TMIGD3: variants seen among roughly 807,000 people sequenced by gnomAD.
TMIGD3 encodes transmembrane and immunoglobulin domain containing 3, also known as AD026 protein (AD026).
A neutral mutation model predicts 28.1 loss-of-function variants in TMIGD3; 21 were observed. That is an observed-to-expected ratio of 0.75 (90% CI 0.53 to 1.08). The LOEUF is 1.08. Among genes scored for constraint, TMIGD3 ranks in the 50% least tolerant of loss-of-function variants. TMIGD3 has a pLI of 0.00. For missense variants in TMIGD3, 416 were observed against 435.6 expected (o/e 0.96, Z 0.40); for synonymous variants, 151 against 162.1 (o/e 0.93, Z 0.52).
chr1:111,537,848 G>A (rs115332796), intron 1 of TMIGD3, among the ~76,000 whole-genome samples: 27 of 152,172 alleles, frequency 1.8e-4, no homozygotes, highest in African/African-American at 6.3e-4. Flanking sequence ...GAAACATATG[G>A]GGGCTATGAT....
At chr1:111,497,172 A>ACGATCT (rs1654928190) in intron 1 of TMIGD3, among the ~76,000 whole-genome samples, 1 of 152,082 alleles carries the variant, frequency 6.6e-6, no homozygotes, top group Non-Finnish European at 1.5e-5. Context: ...GTGCAGTGGC[A>ACGATCT]CGATCTCGGC....
chr1:111,488,842 T>A lies in TMIGD3; in HGVS notation c.640A>T (p.Thr214Ser), dbSNP rs749118757. The change falls in exon 3 of 6, where the codon ACA becomes TCA. Residue 214 changes from threonine (T) to serine (S), a missense_variant. Thr to Ser is a moderately conservative substitution (Grantham distance 58, BLOSUM62 1). Coordinates refer to ENST00000369716, the MANE Select transcript of TMIGD3 (RefSeq NM_020683.7). ...ATAGTGACAATGAGCTGGTTCCCTG[T>A]GTCCCTCAGGGCCACATGATTGGTG... is the stretch of plus-strand genomic sequence containing the variant. ...NSTNHVALRD[T>S]GNQLIVTMSC... is the part of the protein sequence containing the mutation. The A allele has an allele frequency of 2.0e-5, 33 of 1,614,212 alleles. No individual in the cohort carries two copies. In the South Asian group the frequency reaches 3.0e-4, roughly 15 times the overall value.
At chr1:111,503,936 T>C (rs1655383775), upstream of TMIGD3, 1 of 985,250 alleles carries the variant, frequency 1.0e-6, no homozygotes, top group South Asian at 4.7e-5. Context: ...AAGCACTGAC[T>C]ATGCAATCTT....
At position 111,513,716 on chromosome 1, in the gene TMIGD3, C is replaced by A. The variant is rs577351803; in HGVS notation, c.108-22954G>T. Among the ~76,000 whole-genome samples, 94 of 152,316 alleles carry A rather than the reference C, an allele frequency of 6.2e-4. 1 individual carries two copies. The highest frequency in any genetic ancestry group is 2.0e-3 in the African/African-American group (84 of 41,552). On this transcript the variant is annotated intron_variant, in intron 1 of 5. Coordinates refer to the TMIGD3 transcript ENST00000369717. ...CTCTAGGTCACTGCAGATGGTCCAT[C>A]CTATGCCCCCTCCCTCCCTCTACCC...
At chr1:111,559,278 T>C (rs1388070199) in intron 1 of TMIGD3, among the ~76,000 whole-genome samples, 1 of 152,124 alleles carries the variant, frequency 6.6e-6, no homozygotes, top group African/African-American at 2.4e-5. Flanking sequence ...AAATTAGGAC[T>C]AAAGCAATTA....
upstream of TMIGD3, chr1:111,504,869 G>T: frequency 1.0e-6 from 1 of 985,062 alleles, no homozygotes; most frequent in Non-Finnish European, 1.2e-6. Context: ...TCCCATACTT[G>T]TCCCCGCCAG....
chr1:111,498,876 C>T (rs1282750217), intron 1 of TMIGD3, among the ~76,000 whole-genome samples: 9 of 152,120 alleles, frequency 5.9e-5, no homozygotes, highest in Admixed American at 5.9e-4. Flanking sequence ...CACTTGAGCC[C>T]AGGAGTTCAA....
intron 1 of TMIGD3, among the ~76,000 whole-genome samples, chr1:111,539,045 G>T (rs893289005): frequency 6.6e-6 from 1 of 152,148 alleles, no homozygotes; most frequent in Non-Finnish European, 1.5e-5. Context: ...TTAGCAAGAG[G>T]TCCTTGCCTT....
chr1:111,507,496 C>G (rs965837347), upstream of TMIGD3, among the ~76,000 whole-genome samples: 1 of 152,176 alleles, frequency 6.6e-6, no homozygotes, highest in Non-Finnish European at 1.5e-5. Flanking sequence ...ATCTGAGAGG[C>G]TGGCAGCAGA....
At chr1:111,486,808 T>G (rs1045113643) in intron 3 of TMIGD3, among the ~76,000 whole-genome samples, 156 bp from the exon 4 acceptor site, 3 of 152,212 alleles carry the variant, frequency 2.0e-5, no homozygotes, top group Admixed American at 2.0e-4. Context: ...GTTGTATAAA[T>G]GTGCCCTGCA....
chr1:111,504,042 C>T, upstream of TMIGD3: 1 of 985,432 alleles, frequency 1.0e-6, no homozygotes, highest in Non-Finnish European at 1.2e-6. Context: ...CTAACCTTAG[C>T]CAGAACTATT....
Position 111,536,606 on chromosome 1 carries a change from AC to A in TMIGD3, c.107+27239del, listed in dbSNP as rs148402888. 5.2e-3 allele frequency among the ~76,000 whole-genome samples: 791 copies of A among 152,228 alleles called. 6 individuals carry two copies. The highest frequency in any genetic ancestry group is 0.018 in the African/African-American group (763 of 41,510). On this transcript the variant is annotated intron_variant, in intron 1 of 5. Coordinates refer to the TMIGD3 transcript ENST00000369717. ...TCTTTGAATCCATTTCATCGCTCAT[AC>A]CCGCGATCCCTGTCAATGCAATGAT...
intron 1 of TMIGD3, among the ~76,000 whole-genome samples, chr1:111,512,111 T>G (rs893479590): frequency 3.3e-5 from 5 of 152,234 alleles, no homozygotes; most frequent in East Asian, 1.9e-4. Context: ...CTTAGGGCCC[T>G]CCAATCAAGC....
upstream of TMIGD3, among the ~76,000 whole-genome samples, chr1:111,507,919 C>T (rs1240809137): frequency 1.3e-5 from 2 of 152,242 alleles, no homozygotes; most frequent in African/African-American, 4.8e-5. Context: ...CATCAAGCCC[C>T]GGGGGTCAGG....
Position 111,483,631 on chromosome 1 carries a change from A to T in TMIGD3, c.*56T>A, listed in dbSNP as rs1571393130. 7.2e-7 allele frequency: 1 copy of T among 1,383,450 alleles called. No individual in the cohort carries two copies. Among genetic ancestry groups the T allele is most frequent in the Non-Finnish European group, 1.0e-6 (1 of 975,306 alleles). The allele number at this position is 1,383,450 out of a possible 1,614,324, so 85.7% of individuals were successfully genotyped here. A position where few individuals can be genotyped will look rare whatever the true frequency, so the allele number is the denominator to read the frequency against. On this transcript the variant is annotated 3_prime_UTR_variant, in exon 6 of 6. Coordinates refer to ENST00000369716, the MANE Select transcript of TMIGD3 (RefSeq NM_020683.7). Reference sequence around the variant, plus strand: ...GTCTCTGAGGTGTGGGCCAGTTGTCATGGTGATTATTCTGTTGTAGCATCA... The same window carrying T: ...GTCTCTGAGGTGTGGGCCAGTTGTCTTGGTGATTATTCTGTTGTAGCATCA...
chr1:111,496,085 A>G (rs554270285), intron 1 of TMIGD3, among the ~76,000 whole-genome samples: 3 of 152,332 alleles, frequency 2.0e-5, no homozygotes, highest in Admixed American at 1.3e-4. Flanking sequence ...TGATGAAATA[A>G]TCTATACAAC....
At chr1:111,559,387 TA>T (rs553701988) in intron 1 of TMIGD3, among the ~76,000 whole-genome samples, 3 of 152,114 alleles carry the variant, frequency 2.0e-5, no homozygotes, top group African/African-American at 7.2e-5. Context: ...AGCAGTGACC[TA>T]AAAAAAATCC....
At chr1:111,517,266 T>C (rs12085274) in intron 1 of TMIGD3, among the ~76,000 whole-genome samples, 5,301 of 152,226 alleles carry the variant, frequency 0.035, 108 homozygotes, top group Non-Finnish European at 0.044. Flanking sequence ...CAAGAAATGT[T>C]CTTCCTAAGT....
intron 1 of TMIGD3, among the ~76,000 whole-genome samples, chr1:111,496,290 C>T (rs1480942718): frequency 1.3e-5 from 2 of 152,132 alleles, no homozygotes; most frequent in Non-Finnish European, 2.9e-5. Context: ...CAAATGTGTG[C>T]CCCCAGTTAA....
Sources: allele counts gnomAD v4.1 joint callset (sites outside exome capture counted in the v4.1 genomes callset), GRCh38; gene constraint gnomAD v4.1.1; transcripts MANE v1.5; gene names NCBI Gene and HGNC (gene_info 2026-07-23, HGNC 2026-07-21).